PCNX1: variants seen among roughly 807,000 people sequenced by gnomAD.
PCNX1 encodes pecanex 1.
A neutral mutation model predicts 242.2 loss-of-function variants in PCNX1; 78 were observed. That is an observed-to-expected ratio of 0.32 (90% CI 0.27 to 0.39). PCNX1 has a LOEUF of 0.39. Among genes scored for constraint, PCNX1 ranks in the 10% least tolerant of loss-of-function variants. The pLI is 1.00. For synonymous variants in PCNX1, 1,024 were observed against 1,032.9 expected, an observed-to-expected ratio of 0.99 and a Z score of 0.17; for missense variants, 2,581 against 2,856.5, an observed-to-expected ratio of 0.90 and a Z score of 2.20.
At chr14:71,053,130 C>T (rs1242136473) in intron 24 of PCNX1, among the ~76,000 whole-genome samples, 4 of 152,192 alleles carry the variant, frequency 2.6e-5, no homozygotes, top group Non-Finnish European at 5.9e-5. Flanking sequence ...TCTAAAACCA[C>T]ACATGATATT....
At chr14:70,919,723 CCCCCCCA>C (rs2056301968) in intron 1 of PCNX1, among the ~76,000 whole-genome samples, 9 of 40,344 alleles carry the variant, frequency 2.2e-4, no homozygotes, top group Non-Finnish European at 3.7e-4. Context: ...CCCCCCCCCC[CCCCCCCA>C]CCAAATAGGA....
At chr14:71,014,757 A>G (rs1233013539) in intron 11 of PCNX1, among the ~76,000 whole-genome samples, 3 of 152,210 alleles carry the variant, frequency 2.0e-5, no homozygotes, top group African/African-American at 7.2e-5. Context: ...GACAACTACA[A>G]GAGGAAACAA....
At chr14:71,047,655 T>A in intron 21 of PCNX1, 152 bp from the exon 22 acceptor site, 1 of 539,462 alleles carries the variant, frequency 1.9e-6, no homozygotes, top group Non-Finnish European at 3.3e-6. Flanking sequence ...TTTCAGGATG[T>A]GATTTACCTA....
At chr14:70,911,152 A>G (rs1408309441) in intron 1 of PCNX1, among the ~76,000 whole-genome samples, 1 of 152,210 alleles carries the variant, frequency 6.6e-6, no homozygotes, top group East Asian at 1.9e-4. Context: ...ACTGTTTTAA[A>G]AGTACATGTA....
intron 6 of PCNX1, among the ~76,000 whole-genome samples, chr14:70,985,729 T>G (rs1461324256): frequency 6.6e-6 from 1 of 152,256 alleles, no homozygotes; most frequent in African/African-American, 2.4e-5. Context: ...GCATAAAGTT[T>G]AGTTGTACTA....
rs181496595 is a variant in PCNX1, at chr14:70,998,493, G to A, written c.2629+2568G>A. 1.5e-3 allele frequency among the ~76,000 whole-genome samples: 230 copies of A among 152,016 alleles called. 1 individual carries two copies. The highest frequency in any genetic ancestry group is 5.3e-3 in the African/African-American group (221 of 41,482). ...AGGCTGGGCTCGGTGGCTCATGCCT[G>A]TACTCCCAGTACTTTGGGAGGCCAA... On this transcript the variant is annotated intron_variant, in intron 8 of 35. Coordinates refer to ENST00000304743, the MANE Select transcript of PCNX1 (RefSeq NM_014982.3).
At chr14:71,094,064 A>AC (rs1273056784) in intron 30 of PCNX1, among the ~76,000 whole-genome samples, 1 of 152,128 alleles carries the variant, frequency 6.6e-6, no homozygotes, top group Non-Finnish European at 1.5e-5. Context: ...AGGGATAGGC[A>AC]CCCCAACCCC....
rs2058440461 is a variant in PCNX1, at chr14:70,968,259, C to T, written c.514+16C>T. 2 of 1,600,398 alleles carry T rather than the reference C, an allele frequency of 1.2e-6. No homozygotes were observed. Among genetic ancestry groups the T allele is most frequent in the African/African-American group, 1.3e-5 (1 of 74,628 alleles). On this transcript the variant is annotated intron_variant, in intron 4 of 35. Transcript: ENST00000304743. ...ACTATTAAAGGTAGGTGTGATCTAA[C>T]TTAAAAGTTGCACCTGCCTTTCCCT...
In PCNX1 at chr14:70,988,639, G is replaced by A. The variant is rs746902212; in HGVS notation, c.2384G>A (p.Arg795His). 3 of 1,614,026 alleles carry A rather than the reference G, an allele frequency of 1.9e-6. No individual in the cohort carries two copies. The highest frequency in any genetic ancestry group is 1.3e-5 in the African/African-American group (1 of 75,014). The change falls in exon 7 of 36, where the codon CGC becomes CAC. Residue 795 changes from arginine (R) to histidine (H), a missense_variant. Around this residue, in one of 9 missense-constraint regions of PCNX1, gnomAD observed 1,204 missense variants for 1,216.7 expected, o/e 0.99. Coordinates refer to ENST00000304743, the MANE Select transcript of PCNX1 (RefSeq NM_014982.3). The part of the protein sequence containing the change: ...RSTFRRQAVR[R>H]RHNAGSNPTP... Reference sequence around the variant, plus strand: ...ACATTTAGGCGCCAGGCAGTACGGCGCCGGCACAATGCAGGGAGTAACCCT... The same window carrying A: ...ACATTTAGGCGCCAGGCAGTACGGCACCGGCACAATGCAGGGAGTAACCCT...
Position 70,941,838 on chromosome 14 carries a change from C to G in PCNX1, c.154-5077C>G, listed in dbSNP as rs1237961073. ...CTCAAACCTCAGCAATGGCGGACGC[C>G]CCTCCCCCAGCCTCACTGCTGCCTT... On this transcript the variant is annotated intron_variant, in intron 1 of 35. Transcript: ENST00000304743. Among the ~76,000 whole-genome samples, 3 of 152,300 alleles carry G rather than the reference C, an allele frequency of 2.0e-5. 1 individual carries two copies. The East Asian group carries it at 5.8e-4, about 29-fold the overall frequency.
In PCNX1 at chr14:70,962,237, G is replaced by T; in HGVS notation, c.374G>T (p.Gly125Val). 1.2e-6 allele frequency: 2 copies of T among 1,605,286 alleles called. No homozygotes were observed. Among genetic ancestry groups the T allele is most frequent in the Non-Finnish European group, 1.7e-6 (2 of 1,172,038 alleles). ...TTTTTTCTCCACAGTGATCCTGGTG[G>T]AGGGATTGAAATGTCTGAGTTCATC... ...KDSNGPSDPGGGIEMSEFIRE... is the reference protein window; with the variant it reads ...KDSNGPSDPGVGIEMSEFIRE... Residue 125 changes from glycine to valine, a missense_variant, in exon 3 of 36, where the codon GGA (glycine) becomes GTA (valine). Physicochemically the swap from Gly to Val is moderately radical, Grantham distance 109 (BLOSUM62 -3). This residue lies in a region of PCNX1 where 1,204 missense variants were observed against 1,216.7 expected (regional missense o/e 0.99). Transcript: ENST00000304743.
intron 14 of PCNX1, 70 bp downstream of exon 14, chr14:71,026,358 ATATC>A: frequency 3.3e-6 from 3 of 910,856 alleles, no homozygotes; most frequent in Non-Finnish European, 4.8e-6. Flanking sequence ...ACTGATAAAT[ATATC>A]AATTATACAG....
chr14:71,067,290 A>C (rs2061471867), intron 26 of PCNX1, among the ~76,000 whole-genome samples: 1 of 151,872 alleles, frequency 6.6e-6, no homozygotes. Flanking sequence ...CAATTTCAGA[A>C]CTTGTTATTG....
chr14:71,020,383 G>A (rs2060068975), intron 12 of PCNX1, among the ~76,000 whole-genome samples: 2 of 152,190 alleles, frequency 1.3e-5, no homozygotes, highest in Admixed American at 1.3e-4. Context: ...GGTTGAACTA[G>A]TTTACAGTCC....
intron 5 of PCNX1, among the ~76,000 whole-genome samples, chr14:70,976,223 T>G (rs1157759408): frequency 6.6e-6 from 1 of 152,184 alleles, no homozygotes; most frequent in Non-Finnish European, 1.5e-5. Flanking sequence ...TGTGACTCAG[T>G]GAAGTTGATG....
At chr14:70,941,904 C>G (rs566299287) in intron 1 of PCNX1, among the ~76,000 whole-genome samples, 1 of 152,338 alleles carries the variant, frequency 6.6e-6, no homozygotes, top group Admixed American at 6.5e-5. Flanking sequence ...GTGAGCGAGG[C>G]TCTGTGGGCG....
At chr14:71,017,306 A>G (rs1174447460) in intron 11 of PCNX1, among the ~76,000 whole-genome samples, 1 of 152,176 alleles carries the variant, frequency 6.6e-6, no homozygotes, top group East Asian at 1.9e-4. Flanking sequence ...TGAAATGGAG[A>G]AAGGATAGCC....
chr14:70,982,666 A>G lies in PCNX1; in HGVS notation c.2311+4018A>G, dbSNP rs142123717. ...GGCAAAATTATCTTCCTTTACAACA[A>G]TATCAAGAAAAGTGGTGTTTATTGG... On this transcript the variant is annotated intron_variant, in intron 6 of 35. Coordinates refer to ENST00000304743, the MANE Select transcript of PCNX1 (RefSeq NM_014982.3). Among the ~76,000 whole-genome samples the G allele has an allele frequency of 1.9e-3, 290 of 152,346 alleles. 1 individual carries two copies. Among genetic ancestry groups the G allele is most frequent in the African/African-American group, 6.3e-3 (261 of 41,590 alleles).
intron 30 of PCNX1, among the ~76,000 whole-genome samples, chr14:71,091,927 G>A (rs2062144238): frequency 6.6e-6 from 1 of 152,188 alleles, no homozygotes; most frequent in South Asian, 2.1e-4. Context: ...CGCCTTTCCA[G>A]TAAATTGTGT....
Sources: gnomAD v4.1 joint callset for allele counts (sites outside exome capture counted in the v4.1 genomes callset) on GRCh38, gnomAD v4.1.1 for gene constraint, gnomAD v4.1.1 regional missense constraint, MANE v1.5 for transcripts, NCBI Gene and HGNC (gene_info 2026-07-23, HGNC 2026-07-21) for gene names.